LCT: variants seen among roughly 807,000 people sequenced by gnomAD.
The protein encoded by LCT is lactase/phlorizin hydrolase.
In LCT, 90 loss-of-function variants were observed where a neutral mutation model predicts 173.0. The ratio of observed to expected loss-of-function variants is 0.52; its 90% CI spans 0.44 to 0.62. The LOEUF is 0.62. Ranked by LOEUF, LCT falls within the 20% of genes least tolerant of loss-of-function variation. LCT has a pLI of 0.00. For synonymous variants in LCT, 853 were observed against 957.6 expected (o/e 0.89, Z 2.02); for missense variants, 1,864 against 2,431.4 (o/e 0.77, Z 4.91).
At chr2:135,836,016 G>A (rs11898981) in intron 1 of LCT, among the ~76,000 whole-genome samples, 11,843 of 23,432 alleles carry the variant, frequency 0.51, 1,977 homozygotes, top group African/African-American at 0.58. Context: ...ATATATATAT[G>A]TATACATATT....
chr2:135,790,777 T>C lies in LCT; in HGVS notation c.5216A>G (p.Glu1739Gly). Residue 1739 changes from glutamate to glycine, a missense_variant, in exon 15 of 17, where the codon GAA (glutamate) becomes GGA (glycine). This residue lies in a region of LCT where 514 missense variants were observed against 750.1 expected (regional missense o/e 0.69). Transcript: ENST00000264162. The surrounding 1 kb of genome is among the most constrained non-coding windows in gnomAD (Gnocchi z 4.1). ...FRRILNWLKE[E>G]YNDPPIYVTE... is the part of the protein sequence containing the mutation. The stretch of plus-strand genomic sequence containing the variant: ...GACATAAATTGGAGGGTCATTGTAT[T>C]CCTCCTTTAACCAGTTCAGGATCCT... The C allele has an allele frequency of 6.2e-7, 1 of 1,613,684 alleles. No individual in the cohort carries two copies. The highest frequency in any genetic ancestry group is 1.1e-5 in the South Asian group (1 of 91,078).
intron 1 of LCT, among the ~76,000 whole-genome samples, chr2:135,833,773 C>T (rs1014522057): frequency 6.6e-6 from 1 of 151,960 alleles, no homozygotes; most frequent in Non-Finnish European, 1.5e-5. Context: ...GTGCACAGTT[C>T]AGTATTATTA....
intron 9 of LCT, among the ~76,000 whole-genome samples, chr2:135,805,663 G>A (rs2077665052): frequency 6.6e-6 from 1 of 152,122 alleles, no homozygotes; most frequent in East Asian, 1.9e-4. Context: ...GGAATAAAGG[G>A]GTCCAACAGG....
chr2:135,809,194 C>A lies in LCT; in HGVS notation c.3153G>T (p.Gln1051His). ...LFDSYADFCF[Q>H]TFGDRVKFWM... The stretch of plus-strand genomic sequence containing the variant: ...AAAACTTGACTCTATCACCAAAGGT[C>A]TGGAAACAAAAGTCTGCGTAGCTGT... Residue 1051 changes from glutamine (Q) to histidine (H), a missense_variant, in exon 8 of 17, where the codon CAG (glutamine) becomes CAT (histidine). Coordinates refer to ENST00000264162, the MANE Select transcript of LCT (RefSeq NM_002299.4). The surrounding 1 kb of genome is among the most constrained non-coding windows in gnomAD (Gnocchi z 5.5). The A allele has an allele frequency of 6.2e-7, 1 of 1,614,216 alleles. No homozygotes were observed. The highest frequency in any genetic ancestry group is 8.5e-7 in the Non-Finnish European group (1 of 1,180,046).
At chr2:135,810,199 G>C (rs966056729) in intron 7 of LCT, 1 of 559,218 alleles carries the variant, frequency 1.8e-6, no homozygotes, top group African/African-American at 1.9e-5. Context: ...AGTGAGAAGG[G>C]GGAGAAGGGT....
chr2:135,810,167 T>C, intron 7 of LCT, 174 bp from the exon 8 acceptor site: 2 of 607,206 alleles, frequency 3.3e-6, no homozygotes, highest in Admixed American at 5.8e-5. Flanking sequence ...TTATTTATCT[T>C]TTAAAGACTA....
chr2:135,804,107 G>C lies in LCT; in HGVS notation c.4486C>G (p.Leu1496Val). The change falls in exon 11 of 17, where the codon CTA becomes GTA. Residue 1496 changes from leucine (L) to valine (V), a missense_variant. Physicochemically the swap from Leu to Val is conservative, Grantham distance 32. Around this residue, in one of 4 missense-constraint regions of LCT, gnomAD observed 514 missense variants for 750.1 expected, o/e 0.69. Coordinates refer to ENST00000264162, the MANE Select transcript of LCT (RefSeq NM_002299.4). The part of the protein sequence containing the change: ...QPQVTIYHWD[L>V]PQTLQDVGGW... ...CCTACATCTTGGAGCGTCTGTGGTA[G>C]GTCCCAGTGGTAAATGGTCACCTGG... 1 of 1,613,958 alleles carries C rather than the reference G, an allele frequency of 6.2e-7. No homozygotes were observed. The highest frequency in any genetic ancestry group is 1.1e-5 in the South Asian group (1 of 91,062).
rs377228457 is a variant in LCT at position 135,837,149 on chromosome 2, T to G, written c.21A>C (p.Val7=). The G allele has an allele frequency of 6.2e-7, 1 of 1,613,624 alleles. No individual in the cohort carries two copies. Among genetic ancestry groups the G allele is most frequent in the South Asian group, 1.1e-5 (1 of 91,084 alleles). The part of the protein sequence containing the change: MELSWH[V]VFIALLSFSC... ...AAAAACTTAGCAGGGCAATAAAGAC[T>G]ACATGCCAAGACAGCTCCATTTTCT... Residue 7 remains valine, a synonymous_variant, in exon 1 of 17, where the codon GTA becomes GTC. Transcript: ENST00000264162.
intron 14 of LCT, among the ~76,000 whole-genome samples, 156 bp from the exon 15 acceptor site, chr2:135,791,037 TCTC>T (rs1403778476): frequency 1.3e-5 from 2 of 152,208 alleles, no homozygotes; most frequent in Non-Finnish European, 2.9e-5. Context: ...TGCCTCAAAT[TCTC>T]CTCCTTTCGC....
chr2:135,836,997 T>C lies in LCT; in HGVS notation c.173A>G (p.Asp58Gly), dbSNP rs543754321. 7.4e-6 allele frequency: 12 copies of C among 1,614,114 alleles called. No individual in the cohort carries two copies. The highest frequency in any genetic ancestry group is 1.7e-4 in the Middle Eastern group (1 of 6,060). Residue 58 changes from aspartate to glycine, a missense_variant, in exon 1 of 17, where the codon GAC (aspartate) becomes GGC (glycine). By Grantham distance (94) the Asp-to-Gly change is moderately conservative. Transcript: ENST00000264162. ...CTGGTGACAAACATACATGTCTTTGTCCCCTGCTACAAAGTTAGAACTCTG... is the reference window on the plus strand; with the variant it reads ...CTGGTGACAAACATACATGTCTTTGCCCCCTGCTACAAAGTTAGAACTCTG... ...GDQSSNFVAG[D>G]KDMYVCHQPL... is the part of the protein sequence containing the mutation.
intron 10 of LCT, among the ~76,000 whole-genome samples, chr2:135,804,431 C>T (rs891990072): frequency 1.3e-5 from 2 of 152,134 alleles, no homozygotes; most frequent in African/African-American, 2.4e-5. Flanking sequence ...CCTATAATCT[C>T]AGCACTTTGG....
Position 135,817,654 on chromosome 2 carries a change from T to C in LCT, c.1394A>G (p.His465Arg). Residue 465 changes from histidine to arginine, a missense_variant, in exon 6 of 17, where the codon CAC becomes CGC. Physicochemically the swap from His to Arg is conservative, Grantham distance 29. Around this residue, in one of 4 missense-constraint regions of LCT, gnomAD observed 183 missense variants for 293.1 expected, o/e 0.62. Transcript: ENST00000264162. ...GCCTGGGAGGCTGGGGCTGCTCCCGTGCCCCATGGGGAAGATCCGGGACCA... is the reference window on the plus strand; with the variant it reads ...GCCTGGGAGGCTGGGGCTGCTCCCGCGCCCCATGGGGAAGATCCGGGACCA... ...ISWSRIFPMG[H>R]GSSPSLPGVA... The C allele has an allele frequency of 6.2e-7, 1 of 1,613,766 alleles. No homozygotes were observed. The highest frequency in any genetic ancestry group is 8.5e-7 in the Non-Finnish European group (1 of 1,179,862).
Position 135,809,642 on chromosome 2 carries a change from G to T in LCT, c.2705C>A (p.Thr902Lys), listed in dbSNP as rs746882997. The change falls in exon 8 of 17, where the codon ACG becomes AAG. Residue 902 changes from threonine to lysine, a missense_variant. Physicochemically the swap from Thr to Lys is moderately conservative, Grantham distance 78. Coordinates refer to ENST00000264162, the MANE Select transcript of LCT (RefSeq NM_002299.4). The surrounding 1 kb of genome is among the most constrained non-coding windows in gnomAD (Gnocchi z 5.5). ...GCCCCACAGAAAGTCATCCCGAAAC[G>T]TCCCGTGGTAGAACAAATCTCTTTC... is the stretch of plus-strand genomic sequence containing the variant. ...KFERDLFYHGTFRDDFLWGVS... is the reference protein window; with the variant it reads ...KFERDLFYHGKFRDDFLWGVS... 7.4e-6 allele frequency: 12 copies of T among 1,614,086 alleles called. No individual in the cohort carries two copies. The highest frequency in any genetic ancestry group is 3.3e-5 in the Admixed American group (2 of 60,000).
intron 12 of LCT, among the ~76,000 whole-genome samples, chr2:135,799,421 C>T (rs2105524595): frequency 6.6e-6 from 1 of 152,090 alleles, no homozygotes; most frequent in East Asian, 1.9e-4. Flanking sequence ...TCCTTCTCTC[C>T]TCTTGTCAGT....
At position 135,809,973 on chromosome 2, in the gene LCT, C is replaced by A. The variant is rs1160242655; in HGVS notation, c.2374G>T (p.Asp792Tyr). 6.2e-7 allele frequency: 1 copy of A among 1,611,242 alleles called. No homozygotes were observed. Among genetic ancestry groups the A allele is most frequent in the Non-Finnish European group, 8.5e-7 (1 of 1,177,470 alleles). Residue 792 changes from aspartate to tyrosine, a missense_variant, in exon 8 of 17, where the codon GAT (aspartate) becomes TAT (tyrosine). Physicochemically the swap from Asp to Tyr is radical, Grantham distance 160. Around this residue, in one of 4 missense-constraint regions of LCT, gnomAD observed 755 missense variants for 926.3 expected, o/e 0.82. Transcript: ENST00000264162. The surrounding 1 kb of genome is among the most constrained non-coding windows in gnomAD (Gnocchi z 5.5). Reference sequence around the variant, plus strand: ...GAACGAGCAATGTAGGAACGAACATCCACAGAGTCTTCCTTGATAGCTGTG... The same window carrying A: ...GAACGAGCAATGTAGGAACGAACATACACAGAGTCTTCCTTGATAGCTGTG... ...VLKAIKEDSV[D>Y]VRSYIARSLI...
At chr2:135,835,977 T>TATATAA (rs1491314188) in intron 1 of LCT, among the ~76,000 whole-genome samples, 495 of 12,056 alleles carry the variant, frequency 0.041, 50 homozygotes, top group African/African-American at 0.1. Context: ...TACATGTGTG[T>TATATAA]ATATATATAT....
At chr2:135,801,457 A>G (rs1236037709) in intron 11 of LCT, among the ~76,000 whole-genome samples, 1 of 152,010 alleles carries the variant, frequency 6.6e-6, no homozygotes, top group Non-Finnish European at 1.5e-5. Context: ...GCTCACACCC[A>G]TAATCCCAGC....
rs773877557 is a variant in LCT at position 135,812,708 on chromosome 2, C to T, written c.1956G>A (p.Met652Ile). ...PATLRTQIQQ[M>I]NRQCSHPVAQ... is the part of the protein sequence containing the mutation. ...CCACAGGATGGGAGCACTGTCTGTT[C>T]ATCTGTTGGATCTGGGTCCTCAGGG... The change falls in exon 7 of 17, where the codon ATG becomes ATA. Residue 652 changes from methionine to isoleucine, a missense_variant. This residue lies in a region of LCT where 755 missense variants were observed against 926.3 expected (regional missense o/e 0.82). Coordinates refer to ENST00000264162, the MANE Select transcript of LCT (RefSeq NM_002299.4). The T allele has an allele frequency of 1.6e-5, 26 of 1,614,096 alleles. No individual in the cohort carries two copies. The African/African-American group carries it at 3.3e-4, about 21-fold the overall frequency.
rs121908937 is a variant in LCT, at chr2:135,829,593, C to G, written c.804G>C (p.Gln268His). 1 of 1,610,216 alleles carries G rather than the reference C, an allele frequency of 6.2e-7. No individual in the cohort carries two copies. ...TAATGTGGAAAAGGGCTCAAATTAC[C>G]TGCAATTTACTCAGCTTCTGCCGCA... The part of the protein sequence containing the change: ...ASLRQKLSKL[Q>H]TIEPKVKVFI... The change falls in exon 3 of 17, where the codon CAG (glutamine) becomes CAC (histidine). Residue 268 changes from glutamine (Q) to histidine (H), a missense_variant and splice_region_variant. Coordinates refer to ENST00000264162, the MANE Select transcript of LCT (RefSeq NM_002299.4).
Sources: gnomAD v4.1 joint callset for allele counts (sites outside exome capture counted in the v4.1 genomes callset) on GRCh38, gnomAD v4.1.1 for gene constraint, gnomAD v4.1.1 regional missense constraint, Gnocchi (gnomAD v3.1) non-coding constraint, MANE v1.5 for transcripts, NCBI Gene and HGNC (gene_info 2026-07-23, HGNC 2026-07-21) for gene names.